XKR6: variants seen among roughly 807,000 people sequenced by gnomAD.
XKR6 encodes XK-related protein 6.
Under a neutral mutation model 56.7 loss-of-function variants are expected in XKR6, and 22 were observed. That is an observed-to-expected ratio of 0.39 (90% CI 0.28 to 0.55). The LOEUF (loss-of-function observed/expected upper bound fraction) is 0.55, where lower values mean the gene tolerates loss of function less well. Among genes scored for constraint, XKR6 ranks in the 20% least tolerant of loss-of-function variants. The pLI, the probability that XKR6 is intolerant of heterozygous loss-of-function variation, is 0.66. For missense variants in XKR6, 852 were observed against 889.0 expected (o/e 0.96, Z 0.53); for synonymous variants, 524 against 387.8 (o/e 1.35, Z -4.13).
chr8:11,040,913 G>C (rs1314354723), intron 1 of XKR6, among the ~76,000 whole-genome samples: 1 of 152,110 alleles, frequency 6.6e-6, no homozygotes, highest in Non-Finnish European at 1.5e-5. Flanking sequence ...CTCAGTTTGG[G>C]GGCCTGAAGA....
At chr8:11,157,904 G>A (rs1232918406) in intron 1 of XKR6, among the ~76,000 whole-genome samples, 1 of 152,072 alleles carries the variant, frequency 6.6e-6, no homozygotes, top group Non-Finnish European at 1.5e-5. Context: ...TAGCAAACAG[G>A]CCAGTTATCC....
intron 2 of XKR6, among the ~76,000 whole-genome samples, chr8:10,913,974 C>T (rs1800483619): frequency 6.6e-6 from 1 of 152,164 alleles, no homozygotes; most frequent in African/African-American, 2.4e-5. Flanking sequence ...GTGCAAGAGG[C>T]TGGGAATGCA....
intron 1 of XKR6, chr8:11,124,000 A>C (rs1411881286): frequency 2.2e-6 from 1 of 455,768 alleles, no homozygotes; most frequent in East Asian, 7.0e-5. Flanking sequence ...CCTCTCTAAA[A>C]CAGTCCTGTC....
intron 1 of XKR6, among the ~76,000 whole-genome samples, chr8:11,154,933 T>A (rs1408405814): frequency 1.3e-5 from 2 of 152,206 alleles, no homozygotes; most frequent in Non-Finnish European, 2.9e-5. Context: ...TTCTTATAAA[T>A]CTGCTGACAA....
chr8:10,974,836 C>T (rs1162860106), intron 1 of XKR6, among the ~76,000 whole-genome samples: 1 of 152,180 alleles, frequency 6.6e-6, no homozygotes, highest in African/African-American at 2.4e-5. Flanking sequence ...AGTTGGTGTT[C>T]AGCAGGTGCA....
At chr8:11,135,205 A>G (rs1219647229) in intron 1 of XKR6, among the ~76,000 whole-genome samples, 1 of 151,858 alleles carries the variant, frequency 6.6e-6, no homozygotes, top group African/African-American at 2.4e-5. Context: ...AATTTTTTGT[A>G]TTTTTAGCAG....
chr8:11,156,661 A>G (rs1222690187), intron 1 of XKR6, among the ~76,000 whole-genome samples: 1 of 152,198 alleles, frequency 6.6e-6, no homozygotes, highest in Admixed American at 6.5e-5. Flanking sequence ...TATCTATTCA[A>G]TTGTCATCAA....
chr8:10,912,020 G>C (rs1298741951), intron 2 of XKR6, among the ~76,000 whole-genome samples: 1 of 150,478 alleles, frequency 6.6e-6, no homozygotes, highest in Non-Finnish European at 1.5e-5. Context: ...GAGAGAGCAA[G>C]AGAGGGTGAG....
chr8:11,092,861 C>A (rs1210420053), intron 1 of XKR6, among the ~76,000 whole-genome samples: 1 of 152,182 alleles, frequency 6.6e-6, no homozygotes, highest in Non-Finnish European at 1.5e-5. Context: ...AACCATCCAA[C>A]CAGTCAGTCC....
At chr8:11,145,742 C>T (rs902990747) in intron 1 of XKR6, among the ~76,000 whole-genome samples, 3 of 152,104 alleles carry the variant, frequency 2.0e-5, no homozygotes, top group Non-Finnish European at 4.4e-5. Context: ...ATTCATGGGT[C>T]AGAAGGTTTA....
intron 1 of XKR6, among the ~76,000 whole-genome samples, chr8:10,964,517 G>A (rs1802159114): frequency 6.6e-6 from 1 of 152,184 alleles, no homozygotes; most frequent in Non-Finnish European, 1.5e-5. Context: ...AATTCACCCA[G>A]AGCATATTGG....
At chr8:11,119,487 G>C (rs1013526931) in intron 1 of XKR6, among the ~76,000 whole-genome samples, 1 of 152,166 alleles carries the variant, frequency 6.6e-6, no homozygotes, top group Admixed American at 6.5e-5. Flanking sequence ...ATGAATCTGG[G>C]TGCTCCTGCA....
intron 1 of XKR6, among the ~76,000 whole-genome samples, chr8:11,023,075 G>T (rs1053028181): frequency 6.6e-6 from 1 of 152,202 alleles, no homozygotes; most frequent in Non-Finnish European, 1.5e-5. Flanking sequence ...AGGCTCAGTC[G>T]CAGACTCTGA....
chr8:11,162,423 T>C (rs1801858025), intron 1 of XKR6, among the ~76,000 whole-genome samples: 1 of 151,938 alleles, frequency 6.6e-6, no homozygotes, highest in African/African-American at 2.4e-5. Flanking sequence ...CAACCTAGAG[T>C]AGAGTAATCG....
At chr8:11,070,845 G>A (rs1800096189) in intron 1 of XKR6, among the ~76,000 whole-genome samples, 1 of 152,186 alleles carries the variant, frequency 6.6e-6, no homozygotes, top group Admixed American at 6.5e-5. Context: ...GATCAAGACG[G>A]AAGCCTTCTG....
intron 1 of XKR6, among the ~76,000 whole-genome samples, chr8:11,075,795 C>T (rs1246218579): frequency 2.6e-5 from 4 of 152,100 alleles, no homozygotes; most frequent in Non-Finnish European, 2.9e-5. Flanking sequence ...ATCACTTGAA[C>T]CTGGGGGGCA....
intron 1 of XKR6, among the ~76,000 whole-genome samples, chr8:11,177,690 G>A (rs1391669518): frequency 6.6e-6 from 1 of 152,204 alleles, no homozygotes; most frequent in Non-Finnish European, 1.5e-5. Flanking sequence ...GAGGTTAGAC[G>A]GCTGCAAGCC....
At chr8:10,967,943 C>A (rs887120267) in intron 1 of XKR6, among the ~76,000 whole-genome samples, 4 of 152,152 alleles carry the variant, frequency 2.6e-5, no homozygotes, top group African/African-American at 7.2e-5. Flanking sequence ...ACCCCAGAGC[C>A]CTAGGAGATT....
chr8:11,137,358 A>G (rs1800456620), intron 1 of XKR6: 1 of 319,626 alleles, frequency 3.1e-6, no homozygotes, highest in Non-Finnish European at 6.1e-6. Flanking sequence ...TAAAAAATAC[A>G]AAGGAGTCCA....
Sources: allele counts gnomAD v4.1 joint callset (sites outside exome capture counted in the v4.1 genomes callset), GRCh38; gene constraint gnomAD v4.1.1; transcripts MANE v1.5; gene names NCBI Gene and HGNC (gene_info 2026-07-23, HGNC 2026-07-21).